CRYBG1: variants seen among roughly 807,000 people sequenced by gnomAD.
CRYBG1 encodes beta/gamma crystallin domain-containing protein 1.
CRYBG1 carries 139 observed loss-of-function variants against 189.2 expected under a neutral mutation model. The observed-to-expected ratio is 0.73, with a 90% confidence interval of 0.64 to 0.85. The LOEUF (loss-of-function observed/expected upper bound fraction) is 0.85, where lower values mean the gene tolerates loss of function less well. Ranked by LOEUF, CRYBG1 falls within the 40% of genes least tolerant of loss-of-function variation. CRYBG1 has a pLI of 0.00. For missense variants in CRYBG1, 2,611 were observed against 2,675.8 expected (o/e 0.98, Z 0.53); for synonymous variants, 1,023 against 1,017.1 (o/e 1.01, Z -0.11).
chr6:106,511,439 C>G lies in CRYBG1; in HGVS notation c.322C>G (p.Gln108Glu). 6.5e-7 allele frequency: 1 copy of G among 1,535,156 alleles called. No individual in the cohort carries two copies. Among genetic ancestry groups the G allele is most frequent in the Admixed American group, 2.0e-5 (1 of 50,860 alleles). ...ESGIFKKSRAQPPEDNRRKPV... is the reference protein window; with the variant it reads ...ESGIFKKSRAEPPEDNRRKPV... The stretch of plus-strand genomic sequence containing the variant: ...CCCTTTTATTTTTCAGTCCAGAGCA[C>G]AACCTCCAGAAGACAACAGAAGGAA... The change falls in exon 3 of 22, where the codon CAA (glutamine) becomes GAA (glutamate). Residue 108 changes from glutamine to glutamate, a missense_variant. Physicochemically the swap from Gln to Glu is conservative, Grantham distance 29. Around this residue, in one of 3 missense-constraint regions of CRYBG1, gnomAD observed 985 missense variants for 924.4 expected, o/e 1.07. Transcript: ENST00000633556.
At chr6:106,567,747 G>A (rs1774933531) in intron 21 of CRYBG1, among the ~76,000 whole-genome samples, 1 of 152,176 alleles carries the variant, frequency 6.6e-6, no homozygotes, top group South Asian at 2.1e-4. Flanking sequence ...CCATGAGGCT[G>A]TTTTTAGCAC....
At chr6:106,529,133 A>T (rs1390792573) in intron 7 of CRYBG1, among the ~76,000 whole-genome samples, 1 of 151,910 alleles carries the variant, frequency 6.6e-6, no homozygotes, top group Non-Finnish European at 1.5e-5. Context: ...TTTAGTAGAG[A>T]CGGGGTTTTG....
intron 1 of CRYBG1, among the ~76,000 whole-genome samples, chr6:106,437,734 G>A (rs1249700411): frequency 1.3e-5 from 2 of 152,192 alleles, no homozygotes; most frequent in Non-Finnish European, 2.9e-5. Flanking sequence ...ACTGCACCTA[G>A]CCTTTCTTTT....
chr6:106,550,795 T>G (rs80244935), intron 13 of CRYBG1, among the ~76,000 whole-genome samples: 4,993 of 152,276 alleles, frequency 0.033, 272 homozygotes, highest in East Asian at 0.19. Flanking sequence ...ACTTATTGAT[T>G]GCTTATTAAA....
At chr6:106,443,907 TA>T (rs531639679) in intron 1 of CRYBG1, among the ~76,000 whole-genome samples, 97 of 152,302 alleles carry the variant, frequency 6.4e-4, no homozygotes, top group African/African-American at 2.3e-3. Flanking sequence ...TAATGTACAA[TA>T]AAGTAGTGTT....
chr6:106,379,354 C>T (rs923689733), intron 1 of CRYBG1, among the ~76,000 whole-genome samples: 1 of 151,786 alleles, frequency 6.6e-6, no homozygotes, highest in African/African-American at 2.4e-5. Flanking sequence ...CTCTGCCTCC[C>T]GGGTTCATGC....
chr6:106,563,089 C>G (rs1339354985), intron 20 of CRYBG1, among the ~76,000 whole-genome samples: 1 of 152,190 alleles, frequency 6.6e-6, no homozygotes, highest in Non-Finnish European at 1.5e-5. Context: ...GCCACTGTAC[C>G]TGGCCAGTAA....
chr6:106,370,727 A>AT (rs557485374), intron 1 of CRYBG1, among the ~76,000 whole-genome samples: 1 of 151,922 alleles, frequency 6.6e-6, no homozygotes, highest in Non-Finnish European at 1.5e-5. Context: ...AGATTTTCTG[A>AT]TTTTTTCTTA....
At chr6:106,482,892 T>A (rs1343533061) in intron 2 of CRYBG1, among the ~76,000 whole-genome samples, 2 of 152,214 alleles carry the variant, frequency 1.3e-5, no homozygotes, top group Non-Finnish European at 2.9e-5. Context: ...TACATATTTA[T>A]GGGGTATAAT....
At chr6:106,364,829 T>C (rs994509294) in intron 1 of CRYBG1, among the ~76,000 whole-genome samples, 8 of 152,232 alleles carry the variant, frequency 5.3e-5, no homozygotes, top group African/African-American at 1.9e-4. Context: ...CCTATCATCC[T>C]AGGAAAGTTA....
intron 3 of CRYBG1, 47 bp from the exon 4 acceptor site, chr6:106,519,084 T>G: frequency 6.5e-7 from 1 of 1,549,458 alleles, no homozygotes. Context: ...TGTGTTCACT[T>G]TTTAAAACTA....
chr6:106,545,313 T>A (rs1774243173), intron 13 of CRYBG1, among the ~76,000 whole-genome samples: 1 of 152,232 alleles, frequency 6.6e-6, no homozygotes, highest in Non-Finnish European at 1.5e-5. Flanking sequence ...GTCCTACACC[T>A]GTTCCAGTAT....
At chr6:106,385,088 G>C (rs567697779) in intron 1 of CRYBG1, among the ~76,000 whole-genome samples, 275 of 152,184 alleles carry the variant, frequency 1.8e-3, no homozygotes, top group Non-Finnish European at 1.6e-3. Flanking sequence ...AGCAAGTTTT[G>C]CCACTGATTC....
rs1300259748 is a variant in CRYBG1, at chr6:106,571,759, C to T, written c.*3193C>T. ...AAGGTGCCACAACAACCTGCAAAGCCAGTGTGAAGGAACAGCTTGAAAAAA... is the reference window on the plus strand; with the variant it reads ...AAGGTGCCACAACAACCTGCAAAGCTAGTGTGAAGGAACAGCTTGAAAAAA... On this transcript the variant is annotated 3_prime_UTR_variant, in exon 22 of 22. Coordinates refer to ENST00000633556, the MANE Select transcript of CRYBG1 (RefSeq NM_001371242.2). 2 of 435,098 alleles carry T rather than the reference C, an allele frequency of 4.6e-6. No homozygotes were observed. Among genetic ancestry groups the T allele is most frequent in the East Asian group, 4.3e-5 (1 of 23,420 alleles). The allele number at this position is 435,098 out of a possible 1,614,324, so 27.0% of individuals were successfully genotyped here.
intron 1 of CRYBG1, among the ~76,000 whole-genome samples, chr6:106,371,239 A>G (rs765404125): frequency 1.5e-4 from 23 of 152,220 alleles, no homozygotes; most frequent in Non-Finnish European, 2.6e-4. Context: ...GGATTCATAA[A>G]TATCTCATGA....
intron 1 of CRYBG1, among the ~76,000 whole-genome samples, chr6:106,401,410 TC>T (rs869076659): frequency 0.067 from 1,834 of 27,562 alleles, 42 homozygotes; most frequent in African/African-American, 0.12. Context: ...TTTTTAATTT[TC>T]TTTTTTTATT....
intron 1 of CRYBG1, among the ~76,000 whole-genome samples, chr6:106,402,022 A>G (rs1162565108): frequency 2.8e-5 from 4 of 143,986 alleles, no homozygotes; most frequent in Non-Finnish European, 4.6e-5. Context: ...CAGAGAGCCA[A>G]ATCATGAGTG....
chr6:106,511,474 G>A lies in CRYBG1; in HGVS notation c.357G>A (p.Leu119=), dbSNP rs1773255104. The A allele has an allele frequency of 6.5e-7, 1 of 1,535,596 alleles. No homozygotes were observed. The highest frequency in any genetic ancestry group is 2.0e-5 in the Admixed American group (1 of 50,960). The change falls in exon 3 of 22, where the codon TTG becomes TTA. Residue 119 remains leucine, a synonymous_variant. Transcript: ENST00000633556. ...PPEDNRRKPV[L]GKLGTLFTAG... Reference sequence around the variant, plus strand: ...AAGACAACAGAAGGAAGCCAGTTTTGGGGAAACTTGGCACTCTATTCACTG... The same window carrying A: ...AAGACAACAGAAGGAAGCCAGTTTTAGGGAAACTTGGCACTCTATTCACTG...
chr6:106,469,693 G>A (rs1772190431), intron 2 of CRYBG1, among the ~76,000 whole-genome samples: 1 of 152,052 alleles, frequency 6.6e-6, no homozygotes, highest in Non-Finnish European at 1.5e-5. Flanking sequence ...CCATCCCTGG[G>A]CAGTCAAGTC....
Sources: allele counts gnomAD v4.1 joint callset (sites outside exome capture counted in the v4.1 genomes callset), GRCh38; gene constraint gnomAD v4.1.1; regional missense constraint gnomAD v4.1.1; transcripts MANE v1.5; gene names NCBI Gene and HGNC (gene_info 2026-07-23, HGNC 2026-07-21).